The following PRDM15 variants were observed in gnomAD, a reference collection of about 807,000 sequenced individuals.
PRDM15 encodes the protein PR domain zinc finger protein 15.
PRDM15 carries 64 observed loss-of-function variants against 128.6 expected under a neutral mutation model. The observed-to-expected ratio is 0.50, with a 90% CI of 0.41 to 0.61. The LOEUF is 0.61. Ranked by LOEUF, PRDM15 falls within the 20% of genes least tolerant of loss-of-function variation. The pLI is 0.00. For missense variants in PRDM15, 1,242 were observed against 1,569.1 expected (o/e 0.79, Z 3.52); for synonymous variants, 615 against 621.8 (o/e 0.99, Z 0.16).
At chr21:41,847,026 CGTAA>C in intron 6 of PRDM15, 60 bp downstream of exon 6, 1 of 1,095,516 alleles carries the variant, frequency 9.1e-7, no homozygotes, top group East Asian at 2.6e-5. Flanking sequence ...CAGGTGACAG[CGTAA>C]GTCAGAGAGA....
chr21:41,833,001 G>A (rs2839384), intron 11 of PRDM15, among the ~76,000 whole-genome samples: 27,893 of 152,084 alleles, frequency 0.18, 2,868 homozygotes, highest in East Asian at 0.28. Flanking sequence ...ACCCTGCGCC[G>A]AGGGGATCTA....
intron 1 of PRDM15, chr21:41,867,388 T>C (rs770465814): frequency 3.1e-6 from 5 of 1,607,148 alleles, no homozygotes; most frequent in African/African-American, 2.7e-5. Flanking sequence ...CTGAAAGCAG[T>C]GAAAGGAAAG....
At chr21:41,847,862 G>C (rs1300949347) in intron 5 of PRDM15, among the ~76,000 whole-genome samples, 1 of 152,248 alleles carries the variant, frequency 6.6e-6, no homozygotes, top group African/African-American at 2.4e-5. Flanking sequence ...CAGGAATCTG[G>C]GGAGGGAGAG....
Position 41,878,672 on chromosome 21 carries a change from G to A in PRDM15, c.-10+598C>T, listed in dbSNP as rs76961286. On this transcript the variant is annotated intron_variant, in intron 1 of 23. Coordinates refer to ENST00000398548, the MANE Select transcript of PRDM15 (RefSeq NM_001040424.3). ...AAAAGGCTTACGAAAATAAGGCGCAGGGGGTCTGGGAGACCCCATCACCAG... is the reference window on the plus strand; with the variant it reads ...AAAAGGCTTACGAAAATAAGGCGCAAGGGGTCTGGGAGACCCCATCACCAG... 1.8e-4 allele frequency: 270 copies of A among 1,491,858 alleles called. 1 individual carries two copies. In the East Asian group the frequency reaches 6.8e-3, roughly 38 times the overall value. 92.4% of individuals were successfully genotyped at this position (1,491,858 alleles called of 1,614,324 possible). A position where few individuals can be genotyped will look rare whatever the true frequency, so the allele number is the denominator to read the frequency against.
chr21:41,825,820 C>T (rs2062448697), intron 13 of PRDM15, 140 bp downstream of exon 13: 3 of 626,820 alleles, frequency 4.8e-6, no homozygotes, highest in Non-Finnish European at 8.3e-6. Flanking sequence ...TGGGTGGACA[C>T]CAGTTTAAGA....
chr21:41,870,756 C>G (rs549345980), intron 1 of PRDM15: 4 of 152,200 alleles, frequency 2.6e-5, no homozygotes, highest in Non-Finnish European at 4.4e-5. Context: ...CGCTGATGAA[C>G]GTGCTCAAGA....
At chr21:41,872,170 C>A (rs2064236724) in intron 1 of PRDM15, 1 of 152,096 alleles carries the variant, frequency 6.6e-6, no homozygotes, top group Admixed American at 6.6e-5. Flanking sequence ...AAAAAGTGCC[C>A]CTTTCCCCTT....
chr21:41,830,262 A>C (rs1601261707), intron 11 of PRDM15, among the ~76,000 whole-genome samples: 1 of 150,582 alleles, frequency 6.6e-6, no homozygotes, highest in Non-Finnish European at 1.5e-5. Flanking sequence ...CACACCCCCC[A>C]CACAAATACA....
intron 14 of PRDM15, among the ~76,000 whole-genome samples, chr21:41,822,532 T>C (rs532277462): frequency 2.0e-5 from 3 of 152,364 alleles, no homozygotes; most frequent in African/African-American, 7.2e-5. Flanking sequence ...AGCCTGGCAG[T>C]TGGGCCACAG....
At chr21:41,815,887 T>C (rs1002485388) in intron 18 of PRDM15, 51 bp from the exon 19 acceptor site, 2 of 1,602,652 alleles carry the variant, frequency 1.2e-6, no homozygotes, top group South Asian at 1.1e-5. Flanking sequence ...GCAGCCCACC[T>C]GGGGGCCCAT....
Position 41,820,254 on chromosome 21 carries a change from A to G in PRDM15, c.2061-80T>C, listed in dbSNP as rs1302102219. 5.7e-5 allele frequency: 62 copies of G among 1,095,650 alleles called. 2 individuals carry two copies. The South Asian group carries it at 8.0e-4, about 14-fold the overall frequency. 67.9% of individuals were successfully genotyped at this position (1,095,650 alleles called of 1,614,324 possible). A position where few individuals can be genotyped will look rare whatever the true frequency, so the allele number is the denominator to read the frequency against. On this transcript the variant is annotated intron_variant, in intron 16 of 23. Transcript: ENST00000398548. ...CGAGGGCACTTTCCCCAGCACCTTC[A>G]TCTGCAAAGGTGAGGCAACAAGGTG...
chr21:41,831,264 C>G (rs1209770590), intron 11 of PRDM15, among the ~76,000 whole-genome samples: 1 of 152,252 alleles, frequency 6.6e-6, no homozygotes. Flanking sequence ...GTCCCCCTGT[C>G]TAGGGTTTCC....
chr21:41,804,602 T>A lies in PRDM15; in HGVS notation c.2665A>T (p.Arg889Trp), dbSNP rs1696125681. ...GGGAGGTGGTCCAGGTCATCGATCC[T>A]CACCGCGAGCACCTATGAGGAGCAC... Reference protein sequence around the residue: ...RRKHPEVLAVRIDDLDHLPET... With the variant: ...RRKHPEVLAVWIDDLDHLPET... Residue 889 changes from arginine to tryptophan, a missense_variant, in exon 22 of 24, where the codon AGG becomes TGG. By Grantham distance (101) the Arg-to-Trp change is moderately radical (BLOSUM62 -3). Transcript: ENST00000398548. The A allele has an allele frequency of 6.4e-7, 1 of 1,564,526 alleles. No individual in the cohort carries two copies. Among genetic ancestry groups the A allele is most frequent in the Non-Finnish European group, 8.7e-7 (1 of 1,154,584 alleles).
At chr21:41,824,260 C>T (rs1261419938) in intron 13 of PRDM15, among the ~76,000 whole-genome samples, 2 of 152,192 alleles carry the variant, frequency 1.3e-5, no homozygotes, top group Admixed American at 6.5e-5. Flanking sequence ...CATCTCTTTC[C>T]AAGATGTGCA....
rs944144543 is a variant in PRDM15, at chr21:41,811,639, C to A, written c.2393-803G>T. 1 of 151,786 alleles carries A rather than the reference C, an allele frequency of 6.6e-6. No homozygotes were observed. The highest frequency in any genetic ancestry group is 1.5e-5 in the Non-Finnish European group (1 of 68,360). The allele number at this position is 151,786 out of a possible 1,614,324, so 9.4% of individuals were successfully genotyped here. A position where few individuals can be genotyped will look rare whatever the true frequency, so the allele number is the denominator to read the frequency against. ...ACTCCAGCATGAGCAACAGAGAGAC[C>A]CCATCTCTAACAACAGAAAGGTAAA... On this transcript the variant is annotated intron_variant, in intron 19 of 23. Coordinates refer to ENST00000398548, the MANE Select transcript of PRDM15 (RefSeq NM_001040424.3). This position sits in a 1 kb window ranked among gnomAD's most constrained non-coding sequence, Gnocchi z 4.1.
intron 6 of PRDM15, among the ~76,000 whole-genome samples, chr21:41,840,480 T>C (rs376739504): frequency 6.7e-6 from 1 of 148,852 alleles, no homozygotes; most frequent in Non-Finnish European, 1.5e-5. Context: ...ACCCTAGACC[T>C]GTGAAAGCTC....
chr21:41,816,933 C>G (rs1386351021), intron 18 of PRDM15, among the ~76,000 whole-genome samples: 2 of 151,742 alleles, frequency 1.3e-5, no homozygotes, highest in Non-Finnish European at 2.9e-5. Context: ...GCTGACACGC[C>G]CAGACCCCAG....
At chr21:41,866,392 C>T (rs1453112680) in intron 1 of PRDM15, among the ~76,000 whole-genome samples, 6 of 152,366 alleles carry the variant, frequency 3.9e-5, no homozygotes, top group Middle Eastern at 6.8e-3. Context: ...ACCACAATGA[C>T]CTGCGCTTGG....
chr21:41,836,038 C>CAA, intron 10 of PRDM15, 75 bp downstream of exon 10: 1 of 867,304 alleles, frequency 1.2e-6, no homozygotes, highest in Non-Finnish European at 1.8e-6. Flanking sequence ...CTTCTCATTA[C>CAA]AACATGGTGA....
Sources: gnomAD v4.1 joint callset for allele counts (sites outside exome capture counted in the v4.1 genomes callset) on GRCh38, gnomAD v4.1.1 for gene constraint, Gnocchi (gnomAD v3.1) non-coding constraint, MANE v1.5 for transcripts, NCBI Gene and HGNC (gene_info 2026-07-23, HGNC 2026-07-21) for gene names.